Variants in LCP1 observed in about 807,000 individuals in gnomAD.
LCP1 encodes the protein lymphocyte cytosolic protein 1.
Under a neutral mutation model 72.0 loss-of-function variants are expected in LCP1, and 23 were observed. The observed-to-expected ratio is 0.32, with a 90% CI of 0.23 to 0.45. LCP1 has a LOEUF of 0.45. LCP1 is among the 20% of genes least tolerant of loss of function. LCP1 has a pLI of 1.00. For missense variants in LCP1, 571 were observed against 748.3 expected (o/e 0.76, Z 2.76); for synonymous variants, 245 against 275.4 (o/e 0.89, Z 1.09).
At position 46,151,125 on chromosome 13, in the gene LCP1, G is replaced by C. The variant is rs749535215; in HGVS notation, c.740-47C>G. ...AGAAAAATAAATGCAGCGATGTTGG[G>C]GGAGGGGGGTTGGTTATAACTTTCA... On this transcript the variant is annotated intron_variant, in intron 7 of 15. Coordinates refer to ENST00000323076, the MANE Select transcript of LCP1 (RefSeq NM_002298.5). The C allele has an allele frequency of 4.4e-6, 7 of 1,575,864 alleles. No homozygotes were observed. In the Admixed American group the frequency reaches 7.8e-5, roughly 18 times the overall value.
At chr13:46,133,581 A>T (rs941252398) in intron 14 of LCP1, among the ~76,000 whole-genome samples, 1 of 152,186 alleles carries the variant, frequency 6.6e-6, no homozygotes, top group African/African-American at 2.4e-5. Flanking sequence ...AGCCACAATC[A>T]TGCCACTGTA....
At chr13:46,160,986 C>A (rs1252912676) in intron 1 of LCP1, among the ~76,000 whole-genome samples, 2 of 152,110 alleles carry the variant, frequency 1.3e-5, no homozygotes, top group African/African-American at 2.4e-5. Flanking sequence ...CCACACCAAA[C>A]AGAAAACAGT....
intron 7 of LCP1, among the ~76,000 whole-genome samples, chr13:46,151,864 A>G (rs2045766469): frequency 6.6e-6 from 1 of 152,250 alleles, no homozygotes; most frequent in African/African-American, 2.4e-5. Context: ...CGTGTTTTGC[A>G]TGATACTTAT....
chr13:46,148,150 GT>G (rs2045741765), intron 9 of LCP1, among the ~76,000 whole-genome samples: 1 of 152,178 alleles, frequency 6.6e-6, no homozygotes, highest in Non-Finnish European at 1.5e-5. Flanking sequence ...ATTACTATTG[GT>G]TTCTTTCTTT....
intron 1 of LCP1, among the ~76,000 whole-genome samples, chr13:46,174,414 T>C (rs2045918332): frequency 1.3e-5 from 2 of 152,218 alleles, no homozygotes; most frequent in Admixed American, 1.3e-4. Flanking sequence ...AATAGCCTAA[T>C]CTAATATCTT....
chr13:46,165,434 T>C (rs748368380), intron 1 of LCP1, among the ~76,000 whole-genome samples: 2 of 151,834 alleles, frequency 1.3e-5, no homozygotes, highest in Non-Finnish European at 2.9e-5. Flanking sequence ...AAAATATGGG[T>C]TATGATAATA....
chr13:46,158,950 T>C lies in LCP1; in HGVS notation c.104A>G (p.Asn35Ser), dbSNP rs756927101. The C allele has an allele frequency of 1.9e-6, 3 of 1,614,190 alleles. No individual in the cohort carries two copies. The highest frequency in any genetic ancestry group is 1.7e-5 in the Admixed American group (1 of 60,022). Reference protein sequence around the residue: ...GNGYISFNELNDLFKAACLPL... With the variant: ...GNGYISFNELSDLFKAACLPL... Reference sequence around the variant, plus strand: ...CAAGCAAGCAGCCTTGAACAAGTCATTCAACTCATTGAAGCTGATGTATCC... The same window carrying C: ...CAAGCAAGCAGCCTTGAACAAGTCACTCAACTCATTGAAGCTGATGTATCC... Residue 35 changes from asparagine (N) to serine (S), a missense_variant, in exon 3 of 16, where the codon AAT becomes AGT. Transcript: ENST00000323076.
intron 1 of LCP1, among the ~76,000 whole-genome samples, chr13:46,162,306 G>A (rs542400096): frequency 7.7e-4 from 69 of 89,968 alleles, no homozygotes; most frequent in African/African-American, 3.0e-3. Flanking sequence ...CTCAACCCAC[G>A]GTCTCCCTCT....
chr13:46,162,656 C>T (rs962093270), intron 1 of LCP1, among the ~76,000 whole-genome samples: 1 of 152,124 alleles, frequency 6.6e-6, no homozygotes, highest in African/African-American at 2.4e-5. Flanking sequence ...GCTACAACCT[C>T]CACCTCCCAG....
chr13:46,147,161 T>C, intron 9 of LCP1, 58 bp from the exon 10 acceptor site: 2 of 1,384,464 alleles, frequency 1.4e-6, no homozygotes, highest in Non-Finnish European at 1.9e-6. Context: ...ACAAAGCAGA[T>C]TGCATAATGT....
At chr13:46,152,652 T>C in intron 7 of LCP1, 128 bp downstream of exon 7, 1 of 897,260 alleles carries the variant, frequency 1.1e-6, no homozygotes, top group Non-Finnish European at 1.7e-6. Flanking sequence ...GTGACATGAA[T>C]ACCATGGAAT....
In LCP1 at chr13:46,156,418, A is replaced by T. The variant is rs2045801299; in HGVS notation, c.491+20T>A. On this transcript the variant is annotated intron_variant, in intron 5 of 15. Transcript: ENST00000323076. ...GAAAATGGGCAATTCTTTGGAAACC[A>T]AGAAAGAAGTATTATTTACCAAAGG... The T allele has an allele frequency of 1.2e-6, 2 of 1,607,564 alleles. No individual in the cohort carries two copies. The highest frequency in any genetic ancestry group is 1.7e-6 in the Non-Finnish European group (2 of 1,176,030).
Position 46,158,615 on chromosome 13 carries a change from T to A in LCP1, c.265A>T (p.Thr89Ser), listed in dbSNP as rs1329509734. The change falls in exon 4 of 16, where the codon ACC becomes TCC. Residue 89 changes from threonine (T) to serine (S), a missense_variant. Transcript: ENST00000323076. ...TTCTTATTGATTGCTTTTCTAAAGG[T>A]CTTGGCAACATCTGTGCTTTTTAGG... is the stretch of plus-strand genomic sequence containing the variant. ...HGLKSTDVAKTFRKAINKKEG... is the reference protein window; with the variant it reads ...HGLKSTDVAKSFRKAINKKEG... The A allele has an allele frequency of 3.8e-5, 61 of 1,614,084 alleles. No individual in the cohort carries two copies. The East Asian group carries it at 1.4e-3, about 36-fold the overall frequency.
intron 9 of LCP1, among the ~76,000 whole-genome samples, chr13:46,147,709 A>G (rs2045739443): frequency 6.6e-6 from 1 of 152,186 alleles, no homozygotes; most frequent in Non-Finnish European, 1.5e-5. Context: ...CAATGTGCTC[A>G]AATAATTCTA....
chr13:46,147,401 T>C (rs1211410033), intron 9 of LCP1, among the ~76,000 whole-genome samples: 1 of 152,242 alleles, frequency 6.6e-6, no homozygotes. Flanking sequence ...AAACTGATCA[T>C]TTGAGTTTAT....
At chr13:46,141,405 CAAAAAA>C (rs762462829) in intron 13 of LCP1, among the ~76,000 whole-genome samples, 1 of 52,330 alleles carries the variant, frequency 1.9e-5, no homozygotes, top group Admixed American at 2.4e-4. Flanking sequence ...GACTCTGTCT[CAAAAAA>C]AAAAAAAAAA....
At chr13:46,134,020 G>A in intron 14 of LCP1, 107 bp downstream of exon 14, 1 of 1,001,380 alleles carries the variant, frequency 1.0e-6, no homozygotes, top group South Asian at 2.3e-5. Flanking sequence ...GAAATGGGAG[G>A]GGGAGCCTCT....
chr13:46,130,666 G>T, intron 15 of LCP1, 148 bp downstream of exon 15: 12 of 836,066 alleles, frequency 1.4e-5, no homozygotes, highest in Admixed American at 3.0e-5. Context: ...AAACAGTGAT[G>T]ATGAGACTGC....
intron 1 of LCP1, among the ~76,000 whole-genome samples, chr13:46,171,267 TC>T (rs2045903131): frequency 6.6e-6 from 1 of 152,218 alleles, no homozygotes; most frequent in Admixed American, 6.5e-5. Flanking sequence ...TGGAGTGGCC[TC>T]CTGCCTTTCC....
Sources: allele counts gnomAD v4.1 joint callset (sites outside exome capture counted in the v4.1 genomes callset), GRCh38; gene constraint gnomAD v4.1.1; transcripts MANE v1.5; gene names NCBI Gene and HGNC (gene_info 2026-07-23, HGNC 2026-07-21).